The following NPLOC4 variants were observed in gnomAD, a reference collection of about 807,000 sequenced individuals.
The protein encoded by NPLOC4 is NPL4 homolog, ubiquitin recognition factor.
Under a neutral mutation model 80.6 loss-of-function variants are expected in NPLOC4, and 18 were observed. That is an observed-to-expected ratio of 0.22 (90% CI 0.15 to 0.33). NPLOC4 has a LOEUF of 0.33. Ranked by LOEUF, NPLOC4 falls within the 10% of genes least tolerant of loss-of-function variation. The pLI, the probability that NPLOC4 is intolerant of heterozygous loss-of-function variation, is 1.00. For missense variants in NPLOC4, 540 were observed against 786.1 expected (o/e 0.69, Z 3.74); for synonymous variants, 313 against 301.5 (o/e 1.04, Z -0.39).
chr17:81,561,823 T>G (rs2033859687), intron 16 of NPLOC4: 1 of 152,214 alleles, frequency 6.6e-6, no homozygotes. Context: ...GGTCTCACAC[T>G]TCTGGGCTAC....
intron 3 of NPLOC4, among the ~76,000 whole-genome samples, chr17:81,614,947 G>GGAAGAGCAGAGGCC (rs2035440705): frequency 1.3e-5 from 2 of 152,170 alleles, no homozygotes. Context: ...ACACGGTGAA[G>GGAAGAGCAGAGGCC]GAAGAGCAGA....
At chr17:81,586,631 G>A (rs2034588246) in intron 12 of NPLOC4, among the ~76,000 whole-genome samples, 1 of 150,162 alleles carries the variant, frequency 6.7e-6, no homozygotes, top group Non-Finnish European at 1.5e-5. Context: ...AAAGATGCTT[G>A]CAAAAGTTTT....
intron 12 of NPLOC4, among the ~76,000 whole-genome samples, chr17:81,582,384 G>A (rs1455416040): frequency 2.0e-5 from 3 of 152,220 alleles, no homozygotes; most frequent in African/African-American, 7.2e-5. Context: ...TAAGCATCTA[G>A]CGGTGTTCTG....
rs772151211 is a variant in NPLOC4, at chr17:81,596,200, C to A, written c.1036G>T (p.Asp346Tyr). ...ATGTTGGGATGCTTGTTCTGGAAGT[C>A]TCCTGCAGTGATGCACTCTTCTGAA... ...LSSEECITAG[D>Y]FQNKHPNMCR... The change falls in exon 11 of 17, where the codon GAC becomes TAC. Residue 346 changes from aspartate (D) to tyrosine (Y), a missense_variant. By Grantham distance (160) the Asp-to-Tyr change is radical. Around this residue, in one of 6 missense-constraint regions of NPLOC4, gnomAD observed 251 missense variants for 377.5 expected, o/e 0.66. Transcript: ENST00000331134. 12 of 1,613,994 alleles carry A rather than the reference C, an allele frequency of 7.4e-6. No individual in the cohort carries two copies. Among genetic ancestry groups the A allele is most frequent in the Non-Finnish European group, 1.0e-5 (12 of 1,179,890 alleles).
At chr17:81,620,339 TAAAAA>T (rs1187409426) in intron 3 of NPLOC4, among the ~76,000 whole-genome samples, 5 of 151,286 alleles carry the variant, frequency 3.3e-5, no homozygotes, top group Non-Finnish European at 7.4e-5. Flanking sequence ...CTACATAAAA[TAAAAA>T]AATTAGCCAG....
chr17:81,632,534 G>A (rs920365989), intron 1 of NPLOC4, among the ~76,000 whole-genome samples: 6 of 151,608 alleles, frequency 4.0e-5, no homozygotes, highest in African/African-American at 1.2e-4. Context: ...GGCTGGTCTC[G>A]AACTCCTGAC....
At chr17:81,618,709 A>G (rs955670505) in intron 3 of NPLOC4, among the ~76,000 whole-genome samples, 4 of 151,712 alleles carry the variant, frequency 2.6e-5, no homozygotes, top group Non-Finnish European at 5.9e-5. Context: ...AGGTGTACCC[A>G]ACAGCTCATT....
rs765824295 is a variant in NPLOC4 at position 81,580,509 on chromosome 17, C to T, written c.1282-8421G>A. Among the ~76,000 whole-genome samples the T allele has an allele frequency of 3.9e-5, 6 of 152,142 alleles. No individual in the cohort carries two copies. The highest frequency in any genetic ancestry group is 7.4e-5 in the Non-Finnish European group (5 of 68,022). ...ACCATAGATTCAGCTTCCAAGGGCC[C>T]CTCCCACCTCTACCCCAGCAGGCCA... On this transcript the variant is annotated intron_variant, in intron 12 of 16. Transcript: ENST00000331134. The surrounding 1 kb of genome is among the most constrained non-coding windows in gnomAD (Gnocchi z 4.4).
intron 1 of NPLOC4, among the ~76,000 whole-genome samples, chr17:81,635,194 T>C (rs1413340504): frequency 6.6e-6 from 1 of 151,406 alleles, no homozygotes; most frequent in Non-Finnish European, 1.5e-5. Flanking sequence ...AAAAAAGACA[T>C]CAGCCATGCG....
At chr17:81,625,372 G>T (rs146010503) in intron 2 of NPLOC4, among the ~76,000 whole-genome samples, 85 of 152,302 alleles carry the variant, frequency 5.6e-4, no homozygotes, top group East Asian at 3.5e-3. Flanking sequence ...GGGCGCATCT[G>T]TGTCTGAGCC....
chr17:81,610,171 C>A, intron 5 of NPLOC4, 39 bp downstream of exon 5: 1 of 1,551,268 alleles, frequency 6.4e-7, no homozygotes, highest in Non-Finnish European at 8.7e-7. Context: ...CCCGCAGCCC[C>A]CCACACTGGC....
rs921453480 is a variant in NPLOC4, at chr17:81,565,518, G to A, written c.1656C>T (p.Ile552=). ...GGGGGTACTCACTGCACAGCTGCTC[G>A]ATGGTGGCCCACTGCTCAGACCTCT... The part of the protein sequence containing the change: ...TWKRSEQWAT[I]EQLCSTVGGQ... The change falls in exon 16 of 17, where the codon ATC becomes ATT. Residue 552 remains isoleucine, a synonymous_variant. Transcript: ENST00000331134. 19 of 1,551,134 alleles carry A rather than the reference G, an allele frequency of 1.2e-5. No individual in the cohort carries two copies. Among genetic ancestry groups the A allele is most frequent in the African/African-American group, 6.8e-5 (5 of 73,218 alleles).
chr17:81,597,469 T>C, intron 9 of NPLOC4, 153 bp from the exon 10 acceptor site: 1 of 608,910 alleles, frequency 1.6e-6, no homozygotes, highest in Non-Finnish European at 2.9e-6. Flanking sequence ...GCCAATACAG[T>C]GAAACCCCAT....
At chr17:81,613,653 C>T (rs900395499) in intron 3 of NPLOC4, among the ~76,000 whole-genome samples, 159 bp from the exon 4 acceptor site, 1 of 152,142 alleles carries the variant, frequency 6.6e-6, no homozygotes, top group African/African-American at 2.4e-5. Flanking sequence ...CTAACATCTC[C>T]CCTATGTTTC....
intron 16 of NPLOC4, chr17:81,564,564 C>G (rs1326282234): frequency 2.6e-5 from 4 of 152,166 alleles, no homozygotes; most frequent in Non-Finnish European, 1.5e-5. Flanking sequence ...CAGAGGCAAG[C>G]AGATCACAAG....
chr17:81,610,303 CTG>C, intron 4 of NPLOC4, 45 bp from the exon 5 acceptor site: 1 of 1,526,830 alleles, frequency 6.5e-7, no homozygotes, highest in Non-Finnish European at 8.9e-7. Context: ...GTGAGGATGT[CTG>C]TGTTCCGCTG....
In NPLOC4 at chr17:81,606,749, G is replaced by A. The variant is rs2035214633; in HGVS notation, c.596C>T (p.Pro199Leu). 3 of 1,613,740 alleles carry A rather than the reference G, an allele frequency of 1.9e-6. No homozygotes were observed. The highest frequency in any genetic ancestry group is 1.7e-6 in the Non-Finnish European group (2 of 1,179,846). Residue 199 changes from proline to leucine, a missense_variant, in exon 7 of 17, where the codon CCG (proline) becomes CTG (leucine). This residue lies in a region of NPLOC4 where 61 missense variants were observed against 156.7 expected (regional missense o/e 0.39). Coordinates refer to ENST00000331134, the MANE Select transcript of NPLOC4 (RefSeq NM_017921.4). ...KIKSGCEGHL[P>L]WPNGICTKCQ... The stretch of plus-strand genomic sequence containing the variant: ...CTTAGTACAGATGCCATTCGGCCAC[G>A]GGAGGTGCCCCTCGCACCCTGACTT...
intron 3 of NPLOC4, among the ~76,000 whole-genome samples, chr17:81,621,417 C>G (rs529595408): frequency 6.6e-6 from 1 of 152,362 alleles, no homozygotes; most frequent in African/African-American, 2.4e-5. Context: ...CAACTGCCAG[C>G]AGGTCCCAGG....
In NPLOC4 at chr17:81,572,052, C is replaced by T; in HGVS notation, c.1318G>A (p.Ala440Thr). The change falls in exon 13 of 17, where the codon GCC becomes ACC. Residue 440 changes from alanine to threonine, a missense_variant. By Grantham distance (58) the Ala-to-Thr change is moderately conservative. Around this residue, in one of 6 missense-constraint regions of NPLOC4, gnomAD observed 251 missense variants for 377.5 expected, o/e 0.66. Transcript: ENST00000331134. The surrounding 1 kb of genome is among the most constrained non-coding windows in gnomAD (Gnocchi z 4.5). ...DKFGNEITQL[A>T]RPLPVEYLII... ...AGATACTCCACAGGCAGGGGCCGGG[C>T]CAGCTGGGTGATCTCGTTGCCAAAC... 1 of 1,608,654 alleles carries T rather than the reference C, an allele frequency of 6.2e-7. No individual in the cohort carries two copies. Among genetic ancestry groups the T allele is most frequent in the Non-Finnish European group, 8.5e-7 (1 of 1,176,948 alleles).
Sources: allele counts gnomAD v4.1 joint callset (sites outside exome capture counted in the v4.1 genomes callset), GRCh38; gene constraint gnomAD v4.1.1; regional missense constraint gnomAD v4.1.1; non-coding constraint Gnocchi (gnomAD v3.1); transcripts MANE v1.5; gene names NCBI Gene and HGNC (gene_info 2026-07-23, HGNC 2026-07-21).